RAPGEF6: variants seen among roughly 807,000 people sequenced by gnomAD.
The protein encoded by RAPGEF6 is Rap guanine nucleotide exchange factor 6, also known as PDZ domain containing guanine nucleotide exchange factor (GEF) 2.
A neutral mutation model predicts 171.4 loss-of-function variants in RAPGEF6; 56 were observed. The observed-to-expected ratio is 0.33, with a 90% CI of 0.26 to 0.41. The LOEUF (loss-of-function observed/expected upper bound fraction) is 0.41. Among genes scored for constraint, RAPGEF6 ranks in the 10% least tolerant of loss-of-function variants. The pLI is 1.00. For missense variants in RAPGEF6, 1,674 were observed against 1,921.4 expected (o/e 0.87, Z 2.41); for synonymous variants, 692 against 650.1 (o/e 1.06, Z -0.98).
In RAPGEF6 at chr5:131,442,403, C is replaced by G; in HGVS notation, c.3556G>C (p.Ala1186Pro). 6.2e-7 allele frequency: 1 copy of G among 1,614,162 alleles called. No individual in the cohort carries two copies. The highest frequency in any genetic ancestry group is 8.5e-7 in the Non-Finnish European group (1 of 1,180,008). ...TTCCTGATGGGGTGCAAATTAACAG[C>G]TGGCACCTGAAGCACCTGGCTTACT... is the stretch of plus-strand genomic sequence containing the variant. ...HRVSQVLQVP[A>P]VNLHPIRKKG... The change falls in exon 23 of 28, where the codon GCT (alanine) becomes CCT (proline). Residue 1186 changes from alanine (A) to proline (P), a missense_variant. Physicochemically the swap from Ala to Pro is conservative, Grantham distance 27. Transcript: ENST00000509018.
intron 9 of RAPGEF6, among the ~76,000 whole-genome samples, chr5:131,507,276 T>C (rs1440300049): frequency 1.3e-5 from 2 of 150,738 alleles, no homozygotes; most frequent in East Asian, 1.9e-4. Context: ...TGAACACCTT[T>C]TGAAATAACT....
intron 4 of RAPGEF6, among the ~76,000 whole-genome samples, chr5:131,589,258 T>C (rs899440461): frequency 2.6e-5 from 4 of 152,190 alleles, no homozygotes; most frequent in Non-Finnish European, 4.4e-5. Context: ...TTGTGTCCCA[T>C]TATAGAAACA....
At chr5:131,540,518 C>T (rs1760066106) in intron 6 of RAPGEF6, among the ~76,000 whole-genome samples, 1 of 152,184 alleles carries the variant, frequency 6.6e-6, no homozygotes, top group African/African-American at 2.4e-5. Context: ...ACTATGATCG[C>T]ATAACTGCAT....
At chr5:131,472,832 A>T (rs367597986) in intron 16 of RAPGEF6, 88 bp from the exon 17 acceptor site, 8 of 1,146,838 alleles carry the variant, frequency 7.0e-6, no homozygotes, top group African/African-American at 4.7e-5. Flanking sequence ...AAGGCATAAA[A>T]GAACCAATTC....
chr5:131,577,168 C>G (rs1486830560), intron 4 of RAPGEF6, among the ~76,000 whole-genome samples: 1 of 152,138 alleles, frequency 6.6e-6, no homozygotes, highest in Non-Finnish European at 1.5e-5. Context: ...TTGACCTTCC[C>G]ACCTCTATAC....
intron 15 of RAPGEF6, among the ~76,000 whole-genome samples, chr5:131,488,799 T>C (rs1756095801): frequency 2.0e-5 from 3 of 152,222 alleles, no homozygotes; most frequent in Admixed American, 2.0e-4. Context: ...TTTTCCTCCC[T>C]ACTTCATAAG....
intron 15 of RAPGEF6, among the ~76,000 whole-genome samples, chr5:131,484,319 A>G (rs551283668): frequency 8.1e-6 from 1 of 122,784 alleles, no homozygotes; most frequent in Non-Finnish European, 1.6e-5. Flanking sequence ...CTCCGCCCCC[A>G]AGGTTCAAGT....
chr5:131,440,145 C>T, intron 23 of RAPGEF6: 1 of 447,056 alleles, frequency 2.2e-6, no homozygotes, highest in South Asian at 1.6e-5. Context: ...ACTGTCACTA[C>T]CTGTGGTGCA....
At chr5:131,484,348 T>C (rs573867591) in intron 15 of RAPGEF6, among the ~76,000 whole-genome samples, 1 of 144,284 alleles carries the variant, frequency 6.9e-6, no homozygotes, top group East Asian at 2.3e-4. Context: ...TGCCTCAGCC[T>C]CCCGAGTAGC....
At chr5:131,561,740 T>TA (rs1357432085) in intron 5 of RAPGEF6, among the ~76,000 whole-genome samples, 1 of 145,932 alleles carries the variant, frequency 6.9e-6, no homozygotes, top group East Asian at 2.0e-4. Flanking sequence ...TAGAAGGGGG[T>TA]AAAAAATACC....
chr5:131,613,405 G>A (rs377076083), intron 1 of RAPGEF6, among the ~76,000 whole-genome samples: 21 of 151,834 alleles, frequency 1.4e-4, no homozygotes, highest in East Asian at 1.4e-3. Context: ...GCGAGACTCC[G>A]TGTGTCTGTC....
At chr5:131,485,534 C>CTGGA (rs1446668720) in intron 15 of RAPGEF6, among the ~76,000 whole-genome samples, 1 of 152,178 alleles carries the variant, frequency 6.6e-6, no homozygotes, top group East Asian at 1.9e-4. Context: ...CAGGCTTCTC[C>CTGGA]TGGATCTCTG....
intron 6 of RAPGEF6, among the ~76,000 whole-genome samples, chr5:131,538,873 A>T (rs557392242): frequency 1.3e-5 from 2 of 152,314 alleles, no homozygotes; most frequent in East Asian, 3.9e-4. Context: ...TGTGGACTCA[A>T]TACCTTCTAA....
chr5:131,430,640 C>T (rs1751641545), intron 26 of RAPGEF6: 1 of 695,586 alleles, frequency 1.4e-6, no homozygotes, highest in East Asian at 2.9e-5. Context: ...TAATTAAATA[C>T]CTTCACATCA....
intron 24 of RAPGEF6, 54 bp downstream of exon 24, chr5:131,439,527 G>A: frequency 6.5e-7 from 1 of 1,530,664 alleles, no homozygotes; most frequent in Non-Finnish European, 8.8e-7. Flanking sequence ...CAAAATATGT[G>A]CTATAAAGTA....
intron 4 of RAPGEF6, among the ~76,000 whole-genome samples, chr5:131,590,141 C>T (rs1763503501): frequency 6.6e-6 from 1 of 152,152 alleles, no homozygotes; most frequent in African/African-American, 2.4e-5. Context: ...TGGCTCATGT[C>T]TGTAATCACA....
At chr5:131,530,548 T>C (rs1759303828) in intron 6 of RAPGEF6, among the ~76,000 whole-genome samples, 1 of 152,100 alleles carries the variant, frequency 6.6e-6, no homozygotes, top group South Asian at 2.1e-4. Flanking sequence ...AAATTCTAAG[T>C]TTTATGTGTT....
chr5:131,467,140 T>C (rs1754410408), intron 17 of RAPGEF6, among the ~76,000 whole-genome samples: 1 of 152,258 alleles, frequency 6.6e-6, no homozygotes. Context: ...TTTGTACACA[T>C]TTCATGTTCT....
chr5:131,433,446 T>G lies in RAPGEF6; in HGVS notation c.3958A>C (p.Ser1320Arg). Residue 1320 changes from serine (S) to arginine (R), a missense_variant, in exon 25 of 28, where the codon AGT (serine) becomes CGT (arginine). Ser to Arg is a moderately radical substitution (Grantham distance 110, BLOSUM62 -1). Coordinates refer to ENST00000509018, the MANE Select transcript of RAPGEF6 (RefSeq NM_016340.6). Reference sequence around the variant, plus strand: ...GATGCTTACCCAGGGCCATGTTGACTATGATCTCCTATCCCTGAAGCGTGC... The same window carrying G: ...GATGCTTACCCAGGGCCATGTTGACGATGATCTCCTATCCCTGAAGCGTGC... Reference protein sequence around the residue: ...TEHASGIGDHSQHGPGWTLLK... With the variant: ...TEHASGIGDHRQHGPGWTLLK... The G allele has an allele frequency of 6.2e-7, 1 of 1,611,816 alleles. No homozygotes were observed. Among genetic ancestry groups the G allele is most frequent in the Non-Finnish European group, 8.5e-7 (1 of 1,177,840 alleles).
Sources: allele counts gnomAD v4.1 joint callset (sites outside exome capture counted in the v4.1 genomes callset), GRCh38; gene constraint gnomAD v4.1.1; transcripts MANE v1.5; gene names NCBI Gene and HGNC (gene_info 2026-07-23, HGNC 2026-07-21).